The following METTL24 variants were observed in gnomAD, a reference collection of about 807,000 sequenced individuals.
METTL24 encodes the protein probable methyltransferase-like protein 24.
A neutral mutation model predicts 32.7 loss-of-function variants in METTL24; 29 were observed. The observed-to-expected ratio is 0.89, with a 90% CI of 0.66 to 1.21. The LOEUF (loss-of-function observed/expected upper bound fraction) is 1.21. Among genes scored for constraint, METTL24 ranks in the 50% most tolerant of loss-of-function variants. The pLI, the probability that METTL24 is intolerant of heterozygous loss-of-function variation, is 0.00. For synonymous variants in METTL24, 163 were observed against 179.5 expected, an observed-to-expected ratio of 0.91 and a Z score of 0.73; for missense variants, 439 against 468.1, an observed-to-expected ratio of 0.94 and a Z score of 0.57.
rs1290249049 is a variant in METTL24, at chr6:110,332,696, C to T, written c.319-9824G>A. 3 of 153,508 alleles carry T rather than the reference C, an allele frequency of 2.0e-5. No individual in the cohort carries two copies. In the East Asian group the frequency reaches 5.8e-4, roughly 30 times the overall value. The allele number at this position is 153,508 out of a possible 1,614,324, so 9.5% of individuals were successfully genotyped here. ...GCTGAGGTGGGAGGATCACCTAAGGCTAGGAGTTCAAGACCAGCCTGGGCA... is the reference window on the plus strand; with the variant it reads ...GCTGAGGTGGGAGGATCACCTAAGGTTAGGAGTTCAAGACCAGCCTGGGCA... On this transcript the variant is annotated intron_variant, in intron 1 of 4. Transcript: ENST00000338882.
At position 110,256,795 on chromosome 6, in the gene METTL24, G is replaced by A. The variant is rs552585322; in HGVS notation, c.787-10535C>T. On this transcript the variant is annotated intron_variant, in intron 4 of 4. Coordinates refer to ENST00000338882, the MANE Select transcript of METTL24 (RefSeq NM_001123364.3). The stretch of plus-strand genomic sequence containing the variant: ...TTGATTTTCAACTCTTTATGCACAC[G>A]ACACTTAGCCAAATGTAATTCTTTG... Among the ~76,000 whole-genome samples the A allele has an allele frequency of 4.6e-5, 7 of 152,264 alleles. No homozygotes were observed. In the South Asian group the frequency reaches 8.3e-4, roughly 18 times the overall value.
Position 110,313,154 on chromosome 6 carries a change from C to T in METTL24, c.557+2188G>A, listed in dbSNP as rs150716267. Reference sequence around the variant, plus strand: ...CTCAGAGGGAATAAGTTCTAATATTCGAAAGCAGAGTAGGGTGACTACCTA... The same window carrying T: ...CTCAGAGGGAATAAGTTCTAATATTTGAAAGCAGAGTAGGGTGACTACCTA... On this transcript the variant is annotated intron_variant, in intron 3 of 4. Coordinates refer to ENST00000338882, the MANE Select transcript of METTL24 (RefSeq NM_001123364.3). 5.7e-3 allele frequency among the ~76,000 whole-genome samples: 862 copies of T among 152,270 alleles called. 2 individuals carry two copies. Among genetic ancestry groups the T allele is most frequent in the Non-Finnish European group, 8.8e-3 (601 of 68,016 alleles).
chr6:110,309,281 C>T (rs575886101), intron 3 of METTL24, among the ~76,000 whole-genome samples: 13 of 152,136 alleles, frequency 8.5e-5, no homozygotes. Context: ...CTAGCAGGAA[C>T]CACAGAATCT....
At position 110,282,104 on chromosome 6, in the gene METTL24, C is replaced by T. The variant is rs117552019; in HGVS notation, c.786+16818G>A. 8.2e-4 allele frequency among the ~76,000 whole-genome samples: 125 copies of T among 152,210 alleles called. No individual in the cohort carries two copies. In the East Asian group the frequency reaches 0.017, roughly 21 times the overall value. ...ACACACCAGTTACATCCATGGCTGT[C>T]AATGGAGAAAGATGAGTCCCAAGGG... On this transcript the variant is annotated intron_variant, in intron 4 of 4. Coordinates refer to ENST00000338882, the MANE Select transcript of METTL24 (RefSeq NM_001123364.3).
intron 1 of METTL24, among the ~76,000 whole-genome samples, chr6:110,351,694 G>A (rs1282100690): frequency 6.6e-6 from 1 of 152,226 alleles, no homozygotes; most frequent in Non-Finnish European, 1.5e-5. Flanking sequence ...TGGCTTCCAG[G>A]ATTGGGCAGG....
At chr6:110,263,178 T>C (rs1165950617) in intron 4 of METTL24, among the ~76,000 whole-genome samples, 3 of 152,176 alleles carry the variant, frequency 2.0e-5, no homozygotes, top group Admixed American at 6.5e-5. Context: ...GGAAGTTAAA[T>C]TGTCCCTGTT....
chr6:110,307,825 C>T (rs546807441), intron 3 of METTL24, among the ~76,000 whole-genome samples: 1 of 152,298 alleles, frequency 6.6e-6, no homozygotes, highest in South Asian at 2.1e-4. Flanking sequence ...AAGCTATATA[C>T]CTTTGAATTA....
At chr6:110,258,990 G>C (rs1778438222) in intron 4 of METTL24, among the ~76,000 whole-genome samples, 1 of 152,118 alleles carries the variant, frequency 6.6e-6, no homozygotes, top group Admixed American at 6.6e-5. Flanking sequence ...TCTTTTGAAA[G>C]TTAATATCCC....
chr6:110,344,803 T>C (rs1032448993), intron 1 of METTL24, among the ~76,000 whole-genome samples: 2 of 152,198 alleles, frequency 1.3e-5, no homozygotes, highest in Admixed American at 6.5e-5. Flanking sequence ...AAGCCTTAAA[T>C]GTCAATCCTA....
intron 4 of METTL24, among the ~76,000 whole-genome samples, chr6:110,259,661 C>G (rs1173355455): frequency 6.6e-6 from 1 of 152,228 alleles, no homozygotes; most frequent in Non-Finnish European, 1.5e-5. Context: ...AACGGACAGA[C>G]TGCCTCCTCA....
At chr6:110,337,133 G>A (rs6939507) in intron 1 of METTL24, among the ~76,000 whole-genome samples, 94,770 of 152,012 alleles carry the variant, frequency 0.62, 29,621 homozygotes, top group South Asian at 0.67. Flanking sequence ...AACATAGATG[G>A]AGCTGGAGGC....
chr6:110,350,985 G>T (rs1772589707), intron 1 of METTL24, among the ~76,000 whole-genome samples: 1 of 151,976 alleles, frequency 6.6e-6, no homozygotes, highest in South Asian at 2.1e-4. Context: ...GCAGGCGCCT[G>T]TAATCCCAGC....
intron 4 of METTL24, among the ~76,000 whole-genome samples, chr6:110,288,147 G>A (rs1165861635): frequency 2.0e-5 from 3 of 152,074 alleles, no homozygotes; most frequent in East Asian, 3.9e-4. Flanking sequence ...TGCTCTGCAG[G>A]GACTGCGTTC....
At chr6:110,356,633 C>G (rs962566148) in intron 1 of METTL24, among the ~76,000 whole-genome samples, 1 of 152,106 alleles carries the variant, frequency 6.6e-6, no homozygotes, top group Non-Finnish European at 1.5e-5. Flanking sequence ...AATCTGAACT[C>G]GTTTTGTGCC....
chr6:110,297,497 A>G (rs958901953), intron 4 of METTL24, among the ~76,000 whole-genome samples: 12 of 152,178 alleles, frequency 7.9e-5, no homozygotes, highest in Non-Finnish European at 5.9e-5. Flanking sequence ...GCTAGGATGT[A>G]AAGAGCATAA....
chr6:110,263,293 T>C (rs1416362359), intron 4 of METTL24, among the ~76,000 whole-genome samples: 1 of 152,150 alleles, frequency 6.6e-6, no homozygotes, highest in Non-Finnish European at 1.5e-5. Context: ...AAAATCAATG[T>C]GCAAAAATCA....
At chr6:110,320,211 G>A (rs1218283199) in intron 2 of METTL24, among the ~76,000 whole-genome samples, 1 of 152,140 alleles carries the variant, frequency 6.6e-6, no homozygotes, top group Non-Finnish European at 1.5e-5. Flanking sequence ...GGATGGGGGT[G>A]GATTTTGCAT....
At chr6:110,353,614 C>G (rs182795207) in intron 1 of METTL24, among the ~76,000 whole-genome samples, 19 of 150,038 alleles carry the variant, frequency 1.3e-4, no homozygotes, top group African/African-American at 4.4e-4. Context: ...ACGAACCAAG[C>G]CAGCACATTG....
intron 1 of METTL24, among the ~76,000 whole-genome samples, chr6:110,351,166 A>G (rs1772594366): frequency 6.6e-6 from 1 of 152,182 alleles, no homozygotes; most frequent in African/African-American, 2.4e-5. Flanking sequence ...GCAACACTGC[A>G]CTCCAGCCTG....
Sources: gnomAD v4.1 joint callset for allele counts (sites outside exome capture counted in the v4.1 genomes callset) on GRCh38, gnomAD v4.1.1 for gene constraint, MANE v1.5 for transcripts, NCBI Gene and HGNC (gene_info 2026-07-23, HGNC 2026-07-21) for gene names.